The following ARFGEF2 variants were observed in gnomAD, a reference collection of about 807,000 sequenced individuals.
ARFGEF2 encodes ARF guanine nucleotide exchange factor 2, also known as brefeldin A-inhibited guanine nucleotide-exchange protein 2.
Under a neutral mutation model 219.9 loss-of-function variants are expected in ARFGEF2, and 74 were observed. The observed-to-expected ratio is 0.34, with a 90% CI of 0.28 to 0.41. The LOEUF is 0.41. Ranked by LOEUF, ARFGEF2 falls within the 10% of genes least tolerant of loss-of-function variation. ARFGEF2 has a pLI of 1.00. For missense variants in ARFGEF2, 1,743 were observed against 2,218.3 expected, an observed-to-expected ratio of 0.79 and a Z score of 4.30; for synonymous variants, 733 against 799.2, an observed-to-expected ratio of 0.92 and a Z score of 1.40.
At chr20:48,933,610 G>C (rs1171632340) in intron 1 of ARFGEF2, among the ~76,000 whole-genome samples, 3 of 152,068 alleles carry the variant, frequency 2.0e-5, no homozygotes, top group Admixed American at 2.0e-4. Context: ...TCCCACTAGA[G>C]ATTTTGCTTT....
At chr20:48,929,941 G>A (rs73264211) in intron 1 of ARFGEF2, among the ~76,000 whole-genome samples, 8 of 152,250 alleles carry the variant, frequency 5.3e-5, no homozygotes, top group African/African-American at 1.4e-4. Context: ...GTTTTAAACC[G>A]GGAAGCAGGT....
intron 33 of ARFGEF2, 77 bp from the exon 34 acceptor site, chr20:49,018,807 T>G (rs2091546348): frequency 8.6e-7 from 1 of 1,156,472 alleles, no homozygotes; most frequent in African/African-American, 1.5e-5. Flanking sequence ...GGACCAGCCG[T>G]GTTAAAACAG....
At chr20:48,976,562 A>G (rs1269270391) in intron 14 of ARFGEF2, among the ~76,000 whole-genome samples, 1 of 152,204 alleles carries the variant, frequency 6.6e-6, no homozygotes, top group Non-Finnish European at 1.5e-5. Flanking sequence ...TAATCCCAGC[A>G]CTTTAGGAGG....
At chr20:48,948,429 T>A (rs1313109991) in intron 3 of ARFGEF2, among the ~76,000 whole-genome samples, 1 of 152,184 alleles carries the variant, frequency 6.6e-6, no homozygotes, top group Non-Finnish European at 1.5e-5. Context: ...TGTGCAAGCC[T>A]CCTTGGAGAC....
intron 6 of ARFGEF2, among the ~76,000 whole-genome samples, chr20:48,961,280 T>C (rs918839669): frequency 9.9e-5 from 15 of 151,970 alleles, no homozygotes; most frequent in Admixed American, 9.8e-4. Flanking sequence ...TACTTTTTTT[T>C]CTATTTCTTA....
chr20:49,022,030 C>T (rs2091567814), intron 34 of ARFGEF2, among the ~76,000 whole-genome samples: 1 of 151,296 alleles, frequency 6.6e-6, no homozygotes. Flanking sequence ...CACCTGTAAT[C>T]CCAGCTACCA....
At chr20:48,991,395 G>C (rs541713533) in intron 21 of ARFGEF2, among the ~76,000 whole-genome samples, 197 bp downstream of exon 21, 176 of 152,142 alleles carry the variant, frequency 1.2e-3, no homozygotes, top group African/African-American at 4.0e-3. Flanking sequence ...GAGCACCCTT[G>C]CACCCAGCAG....
In ARFGEF2 at chr20:49,035,374, A is replaced by G. The variant is rs1271691218; in HGVS notation, c.*2175A>G. Reference sequence around the variant, plus strand: ...TCTTATTAGTTTAGTATTTTAAAAGATTTAATTTTCTGAATGAGGCATTTG... The same window carrying G: ...TCTTATTAGTTTAGTATTTTAAAAGGTTTAATTTTCTGAATGAGGCATTTG... On this transcript the variant is annotated 3_prime_UTR_variant, in exon 39 of 39. Coordinates refer to ENST00000371917, the MANE Select transcript of ARFGEF2 (RefSeq NM_006420.3). 1.3e-5 allele frequency: 2 copies of G among 152,180 alleles called. No homozygotes were observed. The highest frequency in any genetic ancestry group is 2.9e-5 in the Non-Finnish European group (2 of 68,026). 9.4% of individuals were successfully genotyped at this position (152,180 alleles called of 1,614,324 possible).
chr20:48,953,702 A>C lies in ARFGEF2; in HGVS notation c.750A>C (p.Leu250Phe). 6.2e-7 allele frequency: 1 copy of C among 1,614,184 alleles called. No individual in the cohort carries two copies. The highest frequency in any genetic ancestry group is 1.1e-5 in the South Asian group (1 of 91,084). The change falls in exon 6 of 39, where the codon TTA becomes TTC. Residue 250 changes from leucine to phenylalanine, a missense_variant. By Grantham distance (22) the Leu-to-Phe change is conservative (BLOSUM62 0). Around this residue, in one of 5 missense-constraint regions of ARFGEF2, gnomAD observed 394 missense variants for 426.6 expected, o/e 0.92. Transcript: ENST00000371917. ...SKPTTPEKTDLTNGEHARSDS... is the reference protein window; with the variant it reads ...SKPTTPEKTDFTNGEHARSDS... ...CAACAACTCCCGAAAAAACAGATTT[A>C]ACCAACGGTGAACATGCCAGGAGTG...
Position 48,953,776 on chromosome 20 carries a change from G to T in ARFGEF2, c.824G>T (p.Gly275Val), listed in dbSNP as rs533047547. The T allele has an allele frequency of 1.2e-6, 2 of 1,613,982 alleles. No individual in the cohort carries two copies. The highest frequency in any genetic ancestry group is 2.2e-5 in the East Asian group (1 of 44,880). Residue 275 changes from glycine (G) to valine (V), a missense_variant, in exon 6 of 39, where the codon GGC (glycine) becomes GTC (valine). Transcript: ENST00000371917. ...AATGGAGACGCACCCAGAGAAAGAG[G>T]CTCATCACTGTCAGGTACGGGCTGA... ...TENGDAPRER[G>V]SSLSGTDDGA... is the part of the protein sequence containing the mutation.
At chr20:48,940,766 G>GTTT (rs1600593362) in intron 1 of ARFGEF2, among the ~76,000 whole-genome samples, 1 of 152,090 alleles carries the variant, frequency 6.6e-6, no homozygotes, top group Admixed American at 6.5e-5. Flanking sequence ...GACGTTTTTG[G>GTTT]TTTTCAAGAT....
chr20:48,946,208 G>A (rs1299093067), intron 3 of ARFGEF2, among the ~76,000 whole-genome samples: 2 of 152,204 alleles, frequency 1.3e-5, no homozygotes, highest in African/African-American at 4.8e-5. Flanking sequence ...CATTCCTTGA[G>A]CTTGGCGCAG....
chr20:48,987,023 T>C (rs1173038878), intron 16 of ARFGEF2, among the ~76,000 whole-genome samples: 1 of 152,176 alleles, frequency 6.6e-6, no homozygotes, highest in African/African-American at 2.4e-5. Context: ...TTAATAACTG[T>C]TTTGCCTCTC....
At chr20:49,030,071 G>A (rs2091624957) in intron 37 of ARFGEF2, among the ~76,000 whole-genome samples, 2 of 150,504 alleles carry the variant, frequency 1.3e-5, no homozygotes, top group East Asian at 4.0e-4. Context: ...TCACACACCT[G>A]GCTAATTTTT....
intron 14 of ARFGEF2, 75 bp downstream of exon 14, chr20:48,976,274 TA>T: frequency 6.4e-7 from 1 of 1,556,968 alleles, no homozygotes; most frequent in Non-Finnish European, 8.8e-7. Flanking sequence ...AACTGATTCC[TA>T]AAAAGGAAAT....
chr20:48,954,331 C>A (rs985517488), intron 6 of ARFGEF2, among the ~76,000 whole-genome samples: 1 of 152,130 alleles, frequency 6.6e-6, no homozygotes, highest in African/African-American at 2.4e-5. Flanking sequence ...AGAGACTAAC[C>A]CACACCTGAT....
At chr20:48,959,543 GTCCCTCCTTCCTTCCCTCCCTCCC>G (rs1465862182) in intron 6 of ARFGEF2, among the ~76,000 whole-genome samples, 1 of 1,692 alleles carries the variant, frequency 5.9e-4, no homozygotes, top group East Asian at 0.01. Context: ...CCCTCCCTCT[GTCCCTCCTTCCTTCCCTCCCTCCC>G]TCCCTCCTTC....
At chr20:48,972,223 C>A in intron 10 of ARFGEF2, 103 bp from the exon 11 acceptor site, 1 of 793,770 alleles carries the variant, frequency 1.3e-6, no homozygotes. Flanking sequence ...GCCCAGGGTG[C>A]TTTACTTACT....
chr20:48,960,943 G>A (rs993213492), intron 6 of ARFGEF2, among the ~76,000 whole-genome samples: 18 of 151,346 alleles, frequency 1.2e-4, no homozygotes, highest in Non-Finnish European at 2.2e-4. Flanking sequence ...AGCTGGGCAT[G>A]GTGGTGCACA....
Sources: gnomAD v4.1 joint callset for allele counts (sites outside exome capture counted in the v4.1 genomes callset) on GRCh38, gnomAD v4.1.1 for gene constraint, gnomAD v4.1.1 regional missense constraint, MANE v1.5 for transcripts, NCBI Gene and HGNC (gene_info 2026-07-23, HGNC 2026-07-21) for gene names.